SCFD2: variants seen among roughly 807,000 people sequenced by gnomAD.
The protein encoded by SCFD2 is sec1 family domain containing 2.
A neutral mutation model predicts 58.9 loss-of-function variants in SCFD2; 54 were observed. The observed-to-expected ratio is 0.92, with a 90% CI of 0.74 to 1.15. The LOEUF (loss-of-function observed/expected upper bound fraction) is 1.15. Ranked by LOEUF, SCFD2 falls within the 50% of genes most tolerant of loss-of-function variation. The pLI, the probability that SCFD2 is intolerant of heterozygous loss-of-function variation, is 0.00. For missense variants in SCFD2, 805 were observed against 836.6 expected (o/e 0.96, Z 0.47); for synonymous variants, 321 against 335.9 (o/e 0.96, Z 0.49).
chr4:52,882,126 G>A (rs915541654), intron 8 of SCFD2, among the ~76,000 whole-genome samples: 3 of 152,182 alleles, frequency 2.0e-5, no homozygotes, highest in African/African-American at 7.2e-5. Flanking sequence ...TGGGGTTGAG[G>A]AGAGCTGCAA....
chr4:53,218,333 G>T (rs2148991914), intron 4 of SCFD2, among the ~76,000 whole-genome samples: 1 of 152,282 alleles, frequency 6.6e-6, no homozygotes, highest in East Asian at 1.9e-4. Flanking sequence ...TGGAAGCTGT[G>T]TTCATTTCTT....
chr4:53,338,205 C>A (rs1253695478), intron 2 of SCFD2, among the ~76,000 whole-genome samples: 2 of 152,112 alleles, frequency 1.3e-5, no homozygotes, highest in Non-Finnish European at 2.9e-5. Flanking sequence ...TGTTTTAAGC[C>A]ACTAAAAGTT....
At chr4:53,016,472 A>G (rs1722216102) in intron 5 of SCFD2, among the ~76,000 whole-genome samples, 1 of 152,226 alleles carries the variant, frequency 6.6e-6, no homozygotes. Context: ...GAAAAATTAG[A>G]CCAACGGTAT....
At chr4:53,248,582 G>A (rs1022292530) in intron 4 of SCFD2, among the ~76,000 whole-genome samples, 2 of 152,218 alleles carry the variant, frequency 1.3e-5, no homozygotes, top group Admixed American at 6.5e-5. Context: ...ATCTGAGAAT[G>A]GGCAGACTGC....
At chr4:53,269,330 A>T (rs895766114) in intron 4 of SCFD2, among the ~76,000 whole-genome samples, 5 of 152,134 alleles carry the variant, frequency 3.3e-5, no homozygotes, top group African/African-American at 1.2e-4. Context: ...TCTCAAAAAA[A>T]TTTAAAAAAG....
At chr4:53,192,503 C>A (rs759609326) in intron 4 of SCFD2, among the ~76,000 whole-genome samples, 8 of 152,118 alleles carry the variant, frequency 5.3e-5, no homozygotes, top group Non-Finnish European at 1.2e-4. Flanking sequence ...TGCAACTTTT[C>A]TGTAAACATA....
intron 5 of SCFD2, among the ~76,000 whole-genome samples, chr4:53,081,422 A>G (rs1326066938): frequency 1.3e-5 from 2 of 152,122 alleles, no homozygotes; most frequent in African/African-American, 4.8e-5. Flanking sequence ...CTACTAGTCC[A>G]CAATGTCCAT....
At chr4:53,160,621 G>A (rs1440397296) in intron 4 of SCFD2, among the ~76,000 whole-genome samples, 1 of 152,146 alleles carries the variant, frequency 6.6e-6, no homozygotes, top group East Asian at 1.9e-4. Flanking sequence ...AAAGTAGGAT[G>A]TCTAAGCCCA....
At chr4:53,124,941 C>A (rs1725582395) in intron 5 of SCFD2, among the ~76,000 whole-genome samples, 1 of 152,124 alleles carries the variant, frequency 6.6e-6, no homozygotes, top group African/African-American at 2.4e-5. Context: ...GAGATAGGTA[C>A]TATTATATCC....
intron 2 of SCFD2, among the ~76,000 whole-genome samples, chr4:53,318,505 A>C (rs1732929610): frequency 6.6e-6 from 1 of 152,186 alleles, no homozygotes; most frequent in Non-Finnish European, 1.5e-5. Context: ...AGACAGATGA[A>C]AAATCTATTT....
intron 5 of SCFD2, among the ~76,000 whole-genome samples, chr4:52,972,153 T>G (rs1361037826): frequency 6.6e-6 from 1 of 152,120 alleles, no homozygotes; most frequent in Non-Finnish European, 1.5e-5. Flanking sequence ...CAGGATCAAA[T>G]TCACATATAA....
intron 5 of SCFD2, among the ~76,000 whole-genome samples, chr4:52,959,372 A>C (rs1304985400): frequency 6.6e-6 from 1 of 152,118 alleles, no homozygotes; most frequent in Non-Finnish European, 1.5e-5. Context: ...GCTCCATTGC[A>C]AATGTACAAA....
intron 5 of SCFD2, among the ~76,000 whole-genome samples, chr4:53,132,005 T>C (rs1293720408): frequency 6.6e-6 from 1 of 152,230 alleles, no homozygotes; most frequent in Non-Finnish European, 1.5e-5. Context: ...TGTACACATA[T>C]AAATATTAGT....
intron 5 of SCFD2, among the ~76,000 whole-genome samples, chr4:52,929,472 G>A (rs1260642663): frequency 6.6e-6 from 1 of 152,206 alleles, no homozygotes; most frequent in Non-Finnish European, 1.5e-5. Flanking sequence ...GGTTTGGGAT[G>A]TGTGATGGAC....
intron 7 of SCFD2, among the ~76,000 whole-genome samples, chr4:52,891,161 G>A (rs1718869928): frequency 6.6e-6 from 1 of 151,600 alleles, no homozygotes; most frequent in Non-Finnish European, 1.5e-5. Flanking sequence ...CACTCCCTCC[G>A]AACACTTCAC....
chr4:53,073,553 G>C (rs1458246826), intron 5 of SCFD2, among the ~76,000 whole-genome samples: 1 of 152,022 alleles, frequency 6.6e-6, no homozygotes, highest in Non-Finnish European at 1.5e-5. Flanking sequence ...ACTGCATTTG[G>C]ACTATCCTCT....
At chr4:53,320,095 T>A (rs1305641024) in intron 2 of SCFD2, among the ~76,000 whole-genome samples, 1 of 152,192 alleles carries the variant, frequency 6.6e-6, no homozygotes, top group Non-Finnish European at 1.5e-5. Flanking sequence ...CAACAACCTT[T>A]CAGGATAAGT....
chr4:53,133,616 CA>C (rs1454282969), intron 5 of SCFD2, among the ~76,000 whole-genome samples: 1 of 152,128 alleles, frequency 6.6e-6, no homozygotes, highest in Non-Finnish European at 1.5e-5. Flanking sequence ...CAAATCATTG[CA>C]AATAGATTTT....
rs1448062600 is a variant in SCFD2, at chr4:53,226,574, A to G, written c.1311+47252T>C. The stretch of plus-strand genomic sequence containing the variant: ...GCAATGAAGTTCATAAAATAAATTG[A>G]GAGGAAATTTTTAATGAACACGTAC... On this transcript the variant is annotated intron_variant, in intron 4 of 8. Transcript: ENST00000401642. Among the ~76,000 whole-genome samples, 5 of 152,338 alleles carry G rather than the reference A, an allele frequency of 3.3e-5. No homozygotes were observed. In the East Asian group the frequency reaches 9.6e-4, roughly 29 times the overall value.
Sources: gnomAD v4.1 joint callset for allele counts (sites outside exome capture counted in the v4.1 genomes callset) on GRCh38, gnomAD v4.1.1 for gene constraint, MANE v1.5 for transcripts, NCBI Gene and HGNC (gene_info 2026-07-23, HGNC 2026-07-21) for gene names.